The following RNF38 variants were observed in gnomAD, a reference collection of about 807,000 sequenced individuals.
RNF38 encodes the protein ring finger protein 38.
RNF38 carries 15 observed loss-of-function variants against 67.2 expected under a neutral mutation model. That is an observed-to-expected ratio of 0.22 (90% CI 0.15 to 0.34). RNF38 has a LOEUF of 0.34. RNF38 is among the 10% of genes least tolerant of loss of function. The pLI is 1.00. For synonymous variants in RNF38, 220 were observed against 218.8 expected (o/e 1.01, Z -0.05); for missense variants, 524 against 639.9 (o/e 0.82, Z 1.95).
chr9:36,385,175 C>T (rs556173524), intron 2 of RNF38, among the ~76,000 whole-genome samples: 12 of 152,034 alleles, frequency 7.9e-5, no homozygotes, highest in Non-Finnish European at 1.8e-4. Context: ...GAAGTATCAT[C>T]TTCTCTTATT....
chr9:36,486,052 C>G (rs1840402765), intron 1 of RNF38, among the ~76,000 whole-genome samples: 1 of 152,190 alleles, frequency 6.6e-6, no homozygotes, highest in East Asian at 1.9e-4. Flanking sequence ...TTTGAAACAT[C>G]CCAATCTTTT....
At chr9:36,425,595 G>T (rs911725791) in intron 1 of RNF38, among the ~76,000 whole-genome samples, 1 of 152,086 alleles carries the variant, frequency 6.6e-6, no homozygotes, top group Non-Finnish European at 1.5e-5. Context: ...TAGGGAGGCT[G>T]AGGAAGGAGA....
chr9:36,416,033 C>T (rs1014952022), intron 2 of RNF38, among the ~76,000 whole-genome samples: 2 of 151,792 alleles, frequency 1.3e-5, no homozygotes, highest in African/African-American at 4.8e-5. Flanking sequence ...GATAAGTATT[C>T]TGATTTATCA....
intron 10 of RNF38, among the ~76,000 whole-genome samples, chr9:36,344,103 T>TC (rs1024733793): frequency 1.3e-5 from 2 of 151,316 alleles, no homozygotes; most frequent in Admixed American, 1.3e-4. Flanking sequence ...AACCTCCACC[T>TC]CCTGGGCTCA....
chr9:36,486,603 G>A (rs1261750828), intron 1 of RNF38, among the ~76,000 whole-genome samples: 1 of 152,166 alleles, frequency 6.6e-6, no homozygotes, highest in African/African-American at 2.4e-5. Context: ...AATTGGTTTA[G>A]TCAGTGCAGT....
intron 2 of RNF38, among the ~76,000 whole-genome samples, chr9:36,409,621 A>G (rs956806321): frequency 6.6e-6 from 1 of 152,224 alleles, no homozygotes; most frequent in Non-Finnish European, 1.5e-5. Flanking sequence ...TCTAGATGAC[A>G]CACACCCTGC....
intron 9 of RNF38, among the ~76,000 whole-genome samples, chr9:36,348,764 G>A (rs553576990): frequency 6.6e-6 from 1 of 152,336 alleles, no homozygotes; most frequent in South Asian, 2.1e-4. Flanking sequence ...CGAAGTGCAA[G>A]GTGATGCTGG....
chr9:36,405,205 T>C (rs1450575751), upstream of RNF38, among the ~76,000 whole-genome samples: 1 of 152,096 alleles, frequency 6.6e-6, no homozygotes, highest in African/African-American at 2.4e-5. Flanking sequence ...AGGCGGAGGT[T>C]GCAGTGAGCT....
At chr9:36,421,102 T>C (rs1374848173) in intron 2 of RNF38, among the ~76,000 whole-genome samples, 1 of 152,194 alleles carries the variant, frequency 6.6e-6, no homozygotes, top group Admixed American at 6.5e-5. Flanking sequence ...CATGGATTAG[T>C]TAAAAGTGAG....
chr9:36,442,885 A>C (rs914315682), intron 1 of RNF38, among the ~76,000 whole-genome samples: 1 of 152,238 alleles, frequency 6.6e-6, no homozygotes, highest in Non-Finnish European at 1.5e-5. Flanking sequence ...GAAAATTTGC[A>C]GCTTCCAAGA....
intron 2 of RNF38, among the ~76,000 whole-genome samples, chr9:36,410,670 A>C (rs1338638822): frequency 6.6e-6 from 1 of 152,216 alleles, no homozygotes; most frequent in African/African-American, 2.4e-5. Flanking sequence ...GAAAACACCC[A>C]ACCAGTTTTT....
At chr9:36,373,839 T>G (rs1331293168) in intron 3 of RNF38, among the ~76,000 whole-genome samples, 1 of 151,736 alleles carries the variant, frequency 6.6e-6, no homozygotes, top group African/African-American at 2.4e-5. Flanking sequence ...TAGGCTGGAG[T>G]GCAATGCACA....
At chr9:36,412,606 T>C (rs983454859) in intron 2 of RNF38, among the ~76,000 whole-genome samples, 40 of 152,180 alleles carry the variant, frequency 2.6e-4, no homozygotes, top group African/African-American at 7.0e-4. Flanking sequence ...CGAGATGAGA[T>C]CTCGCTTTGG....
At chr9:36,375,177 G>C (rs1835693932) in intron 3 of RNF38, among the ~76,000 whole-genome samples, 1 of 152,038 alleles carries the variant, frequency 6.6e-6, no homozygotes, top group Non-Finnish European at 1.5e-5. Flanking sequence ...TCATACCACG[G>C]GCTCCACAGT....
intron 1 of RNF38, among the ~76,000 whole-genome samples, chr9:36,481,223 C>G (rs1840254451): frequency 6.6e-6 from 1 of 152,114 alleles, no homozygotes; most frequent in African/African-American, 2.4e-5. Context: ...CCATGTTGGT[C>G]AGGCTGGTCT....
chr9:36,359,958 T>C (rs1834402761), intron 4 of RNF38, among the ~76,000 whole-genome samples: 1 of 152,078 alleles, frequency 6.6e-6, no homozygotes. Flanking sequence ...TTGGCCAGTC[T>C]GGTCTTGAAC....
chr9:36,361,388 C>T (rs977945408), intron 4 of RNF38, among the ~76,000 whole-genome samples: 1 of 150,880 alleles, frequency 6.6e-6, no homozygotes, highest in Non-Finnish European at 1.5e-5. Context: ...TGGTCTCGAT[C>T]TCCTGACCTC....
intron 2 of RNF38, among the ~76,000 whole-genome samples, chr9:36,415,812 C>T (rs750678666): frequency 2.3e-4 from 35 of 152,174 alleles, no homozygotes; most frequent in Non-Finnish European, 4.4e-4. Context: ...GAAGTTGTAA[C>T]ATGGACAGAC....
chr9:36,455,344 T>C (rs543908030), intron 1 of RNF38, among the ~76,000 whole-genome samples: 1 of 151,982 alleles, frequency 6.6e-6, no homozygotes, highest in Non-Finnish European at 1.5e-5. Flanking sequence ...TTACAGGCAT[T>C]AGCCACTGTG....
Sources: allele counts gnomAD v4.1 joint callset (sites outside exome capture counted in the v4.1 genomes callset), GRCh38; gene constraint gnomAD v4.1.1; transcripts MANE v1.5; gene names NCBI Gene and HGNC (gene_info 2026-07-23, HGNC 2026-07-21).